RDM1: variants seen among roughly 807,000 people sequenced by gnomAD.
RDM1 encodes the protein RAD52 motif containing 1, also known as RAD52 motif-containing protein 1.
Under a neutral mutation model 27.7 loss-of-function variants are expected in RDM1, and 28 were observed. The ratio of observed to expected loss-of-function variants is 1.01; its 90% confidence interval spans 0.75 to 1.39. The LOEUF (loss-of-function observed/expected upper bound fraction) is 1.39, where lower values mean the gene tolerates loss of function less well. Among genes scored for constraint, RDM1 ranks in the 40% most tolerant of loss-of-function variants. The pLI, the probability that RDM1 is intolerant of heterozygous loss-of-function variation, is 0.00. For missense variants in RDM1, 277 were observed against 337.3 expected (o/e 0.82, Z 1.40); for synonymous variants, 124 against 127.5 (o/e 0.97, Z 0.19).
intron 4 of RDM1, among the ~76,000 whole-genome samples, chr17:35,923,250 C>A (rs945261944): frequency 6.7e-6 from 1 of 149,610 alleles, no homozygotes; most frequent in South Asian, 2.1e-4. Flanking sequence ...ACCTGGGAGT[C>A]TGAGGCACAA....
intron 2 of RDM1, among the ~76,000 whole-genome samples, chr17:35,925,995 A>G (rs1272577609): frequency 1.3e-5 from 2 of 152,030 alleles, no homozygotes; most frequent in African/African-American, 2.4e-5. Context: ...TTAGCCAGGC[A>G]TGGTGGCACG....
rs780992311 is a variant in RDM1 at position 35,930,088 on chromosome 17, T to C, written c.264A>G (p.Lys88=). The change falls in exon 2 of 7, where the codon AAA becomes AAG. Residue 88 remains lysine (K), a synonymous_variant. Transcript: ENST00000620284. The part of the protein sequence containing the change: ...KACDRKQLFQ[K]SPVKVRLGTR... ...TATTTGGACCCACCTTGACTGGAGA[T>C]TTCTGAAAAAGCTGCTTCCGGTCGC... The C allele has an allele frequency of 6.2e-6, 10 of 1,613,390 alleles. No individual in the cohort carries two copies. In the South Asian group the frequency reaches 6.6e-5, roughly 11 times the overall value.
At chr17:35,924,934 G>A (rs539451554) in intron 3 of RDM1, among the ~76,000 whole-genome samples, 162 bp from the exon 4 acceptor site, 1 of 152,236 alleles carries the variant, frequency 6.6e-6, no homozygotes, top group East Asian at 1.9e-4. Context: ...AAGAGATTGA[G>A]ACCATCCTGG....
At chr17:35,919,973 G>A (rs934306074) in intron 6 of RDM1, among the ~76,000 whole-genome samples, 1 of 152,156 alleles carries the variant, frequency 6.6e-6, no homozygotes, top group African/African-American at 2.4e-5. Context: ...GTAATACTCT[G>A]ATAGTCCTCA....
In RDM1 at chr17:35,930,163, G is replaced by A. The variant is rs368147591; in HGVS notation, c.189C>T (p.Ala63=). 5 of 1,614,078 alleles carry A rather than the reference G, an allele frequency of 3.1e-6. No homozygotes were observed. The highest frequency in any genetic ancestry group is 3.4e-6 in the Non-Finnish European group (4 of 1,180,026). Residue 63 remains alanine, a synonymous_variant, in exon 2 of 7, where the codon GCC becomes GCT. Coordinates refer to ENST00000620284, the MANE Select transcript of RDM1 (RefSeq NM_145654.4). ...NAAVAHPGFY[A]VIKFYSARAA... is the part of the protein sequence containing the mutation. ...CCCTTGCAGAATAAAACTTAATGACGGCATAGAAACCAGGATGGGCCACTG... is the reference window on the plus strand; with the variant it reads ...CCCTTGCAGAATAAAACTTAATGACAGCATAGAAACCAGGATGGGCCACTG...
At position 35,924,674 on chromosome 17, in the gene RDM1, C is replaced by T; in HGVS notation, c.498G>A (p.Val166=). 1 of 1,614,172 alleles carries T rather than the reference C, an allele frequency of 6.2e-7. No individual in the cohort carries two copies. Residue 166 remains valine (V), a synonymous_variant, in exon 4 of 7, where the codon GTG becomes GTA. Coordinates refer to ENST00000620284, the MANE Select transcript of RDM1 (RefSeq NM_145654.4). Reference sequence around the variant, plus strand: ...GACTCCTGCAATCACAGGATGGCAACACCACTTCTAAAGCACAGAAGAACT... The same window carrying T: ...GACTCCTGCAATCACAGGATGGCAATACCACTTCTAAAGCACAGAAGAACT... The part of the protein sequence containing the change: ...SLKFFCALEV[V]LPSCDCRSPG...
intron 4 of RDM1, among the ~76,000 whole-genome samples, chr17:35,923,629 C>T (rs1286734802): frequency 3.3e-5 from 5 of 152,164 alleles, no homozygotes; most frequent in Admixed American, 3.3e-4. Flanking sequence ...CGCCAGTGCA[C>T]TTCAGCCTGG....
intron 3 of RDM1, 113 bp from the exon 4 acceptor site, chr17:35,924,885 CA>C: frequency 9.7e-7 from 1 of 1,030,022 alleles, no homozygotes; most frequent in South Asian, 1.7e-5. Context: ...CCTGTAATCC[CA>C]GTACTTTGGG....
chr17:35,918,994 T>G (rs1181392381), intron 6 of RDM1, among the ~76,000 whole-genome samples: 8 of 152,252 alleles, frequency 5.3e-5, no homozygotes, highest in African/African-American at 1.9e-4. Flanking sequence ...CATTTAGGGA[T>G]GGATCTATTG....
intron 2 of RDM1, among the ~76,000 whole-genome samples, chr17:35,927,831 T>C (rs758200764): frequency 1.3e-5 from 2 of 152,204 alleles, no homozygotes; most frequent in Non-Finnish European, 2.9e-5. Flanking sequence ...AACTCATTAT[T>C]TGCAAAATGA....
rs1209486323 is a variant in RDM1 at position 35,919,232 on chromosome 17, CTT to C, written c.754-791_754-790del. 1.6e-4 allele frequency among the ~76,000 whole-genome samples: 24 copies of C among 152,238 alleles called. 1 individual carries two copies. The highest frequency in any genetic ancestry group is 7.4e-5 in the Non-Finnish European group (5 of 68,012). On this transcript the variant is annotated intron_variant, in intron 6 of 6. Coordinates refer to ENST00000620284, the MANE Select transcript of RDM1 (RefSeq NM_145654.4). ...CTACTGAAAAAAAACACTTTTGCTA[CTT>C]TTTTTAAAGAATTCCATATGTAGTA... is the stretch of plus-strand genomic sequence containing the variant.
intron 2 of RDM1, among the ~76,000 whole-genome samples, chr17:35,927,115 CAAAAAAAAAAAAAA>C (rs955692533): frequency 2.6e-5 from 2 of 75,474 alleles, no homozygotes; most frequent in African/African-American, 4.9e-5. Context: ...TTCATTTCAC[CAAAAAAAAAAAAAA>C]AAAAAAAAAA....
intron 4 of RDM1, among the ~76,000 whole-genome samples, chr17:35,923,767 C>T (rs551050051): frequency 6.6e-6 from 1 of 152,262 alleles, no homozygotes; most frequent in East Asian, 1.9e-4. Flanking sequence ...TGACTTCAAA[C>T]CCTAAGCATG....
At chr17:35,930,307 A>G (rs183791835) in intron 1 of RDM1, 52 bp from the exon 2 acceptor site, 44 of 1,611,570 alleles carry the variant, frequency 2.7e-5, no homozygotes, top group Admixed American at 1.3e-4. Flanking sequence ...AGAAAACAAA[A>G]CCGCACATGC....
Position 35,922,659 on chromosome 17 carries a change from A to G in RDM1, c.585T>C (p.Leu195=). 1.2e-6 allele frequency: 2 copies of G among 1,606,708 alleles called. No individual in the cohort carries two copies. The highest frequency in any genetic ancestry group is 1.3e-5 in the African/African-American group (1 of 74,696). The change falls in exon 5 of 7, where the codon CTT becomes CTC. Residue 195 remains leucine, a synonymous_variant. Transcript: ENST00000620284. ...DKVEEGPLSF[L]MKRKTAQKLA... is the part of the protein sequence containing the mutation. ...GCTTCTGGGCTGTCTTCCTTTTCATAAGGAATGATAATGGTCCTAAATCCA... is the reference window on the plus strand; with the variant it reads ...GCTTCTGGGCTGTCTTCCTTTTCATGAGGAATGATAATGGTCCTAAATCCA...
At chr17:35,919,870 T>C (rs183364780) in intron 6 of RDM1, among the ~76,000 whole-genome samples, 10 of 152,308 alleles carry the variant, frequency 6.6e-5, no homozygotes, top group African/African-American at 2.4e-4. Flanking sequence ...GGGATTCTGT[T>C]TGAAGAAAGT....
intron 1 of RDM1, 33 bp from the exon 2 acceptor site, chr17:35,930,288 C>T: frequency 6.2e-7 from 1 of 1,613,918 alleles, no homozygotes; most frequent in South Asian, 1.1e-5. Context: ...TGCATGAAAT[C>T]TCACGCCCAG....
chr17:35,929,401 C>T (rs1262469785), intron 2 of RDM1, among the ~76,000 whole-genome samples: 1 of 152,148 alleles, frequency 6.6e-6, no homozygotes, highest in African/African-American at 2.4e-5. Context: ...GCTGGGACTA[C>T]AGGTGCATGC....
chr17:35,926,697 C>G (rs1218829242), intron 2 of RDM1, among the ~76,000 whole-genome samples: 1 of 152,168 alleles, frequency 6.6e-6, no homozygotes, highest in Non-Finnish European at 1.5e-5. Context: ...GCCACTGCGC[C>G]TGGCCGTAAA....
Sources: allele counts gnomAD v4.1 joint callset (sites outside exome capture counted in the v4.1 genomes callset), GRCh38; gene constraint gnomAD v4.1.1; transcripts MANE v1.5; gene names NCBI Gene and HGNC (gene_info 2026-07-23, HGNC 2026-07-21).